Variants in IGF1R observed in about 807,000 individuals in gnomAD.
IGF1R encodes the protein insulin-like growth factor 1 receptor.
Under a neutral mutation model 144.6 loss-of-function variants are expected in IGF1R, and 44 were observed. That is an observed-to-expected ratio of 0.30 (90% CI 0.24 to 0.39). The LOEUF is 0.39. Among genes scored for constraint, IGF1R ranks in the 10% least tolerant of loss-of-function variants. IGF1R has a pLI of 1.00. For missense variants in IGF1R, 1,355 were observed against 1,833.7 expected, an observed-to-expected ratio of 0.74 and a Z score of 4.77; for synonymous variants, 795 against 722.8, an observed-to-expected ratio of 1.10 and a Z score of -1.60.
At chr15:98,768,614 CAAA>C (rs57466735) in intron 2 of IGF1R, among the ~76,000 whole-genome samples, 24 of 116,402 alleles carry the variant, frequency 2.1e-4, no homozygotes, top group Admixed American at 3.5e-4. Context: ...GACTCCATCT[CAAA>C]AAAAAAAAAA....
chr15:98,818,666 G>C (rs1325776680), intron 2 of IGF1R, among the ~76,000 whole-genome samples: 2 of 151,994 alleles, frequency 1.3e-5, no homozygotes, highest in African/African-American at 4.8e-5. Context: ...ATAATTAGTT[G>C]TGGGGGGCTG....
chr15:98,674,258 A>G (rs2052973156), intron 1 of IGF1R, among the ~76,000 whole-genome samples: 1 of 152,164 alleles, frequency 6.6e-6, no homozygotes, highest in African/African-American at 2.4e-5. Flanking sequence ...TTTACATAAG[A>G]TTTTGGAGGA....
intron 18 of IGF1R, 111 bp from the exon 19 acceptor site, chr15:98,942,812 G>A: frequency 7.1e-7 from 1 of 1,414,358 alleles, no homozygotes; most frequent in Non-Finnish European, 1.0e-6. Context: ...AGTGGGACGT[G>A]TCTGTGTCTT....
intron 2 of IGF1R, among the ~76,000 whole-genome samples, chr15:98,744,743 C>T (rs114174065): frequency 1.1e-4 from 17 of 150,426 alleles, no homozygotes; most frequent in African/African-American, 2.5e-4. Flanking sequence ...TTAAACATGA[C>T]GGTAATGCAA....
At chr15:98,718,671 A>G (rs1050358488) in intron 2 of IGF1R, among the ~76,000 whole-genome samples, 1 of 152,216 alleles carries the variant, frequency 6.6e-6, no homozygotes, top group Non-Finnish European at 1.5e-5. Context: ...GATAGATGCA[A>G]AGTGCTTGGA....
intron 5 of IGF1R, among the ~76,000 whole-genome samples, chr15:98,903,511 T>C (rs2014582405): frequency 6.6e-6 from 1 of 152,138 alleles, no homozygotes; most frequent in African/African-American, 2.4e-5. Flanking sequence ...ACACCAACCC[T>C]GTGACCTAGC....
Position 98,961,963 on chromosome 15 carries a change from G to A in IGF1R, c.*4521G>A, listed in dbSNP as rs560705462. ...GGAACTACCAAATGGCGAGATGCTC[G>A]GTGCACATTGGGGTGCTTTGGGATA... is the stretch of plus-strand genomic sequence containing the variant. On this transcript the variant is annotated 3_prime_UTR_variant, in exon 21 of 21. Coordinates refer to ENST00000650285, the MANE Select transcript of IGF1R (RefSeq NM_000875.5). The A allele has an allele frequency of 1.2e-4, 27 of 233,308 alleles. No individual in the cohort carries two copies. The highest frequency in any genetic ancestry group is 9.6e-4 in the East Asian group (16 of 16,596). The allele number at this position is 233,308 out of a possible 1,614,324, so 14.5% of individuals were successfully genotyped here. A position where few individuals can be genotyped will look rare whatever the true frequency, so the allele number is the denominator to read the frequency against.
At chr15:98,870,431 C>T (rs2012724086) in intron 2 of IGF1R, among the ~76,000 whole-genome samples, 1 of 152,150 alleles carries the variant, frequency 6.6e-6, no homozygotes, top group Non-Finnish European at 1.5e-5. Flanking sequence ...ATGATGACAT[C>T]CAGCAGGCAG....
chr15:98,741,639 C>T (rs1347372995), intron 2 of IGF1R, among the ~76,000 whole-genome samples: 1 of 152,176 alleles, frequency 6.6e-6, no homozygotes, highest in African/African-American at 2.4e-5. Flanking sequence ...AGAGCTAGTC[C>T]AGCACTGCTC....
At chr15:98,759,370 T>G (rs941792187) in intron 2 of IGF1R, among the ~76,000 whole-genome samples, 1 of 152,214 alleles carries the variant, frequency 6.6e-6, no homozygotes, top group Non-Finnish European at 1.5e-5. Flanking sequence ...ATAACAGTCC[T>G]GTCTTTGGAA....
intron 7 of IGF1R, among the ~76,000 whole-genome samples, chr15:98,911,775 G>C (rs968505150): frequency 6.6e-6 from 1 of 152,136 alleles, no homozygotes; most frequent in Non-Finnish European, 1.5e-5. Flanking sequence ...GAACGATGAT[G>C]GGGGACTTCA....
rs765151508 is a variant in IGF1R, at chr15:98,935,284, C to G, written c.3187-32C>G. On this transcript the variant is annotated intron_variant, in intron 16 of 20. Transcript: ENST00000650285. The surrounding 1 kb of genome is among the most constrained non-coding windows in gnomAD (Gnocchi z 4.2). Reference sequence around the variant, plus strand: ...AGGCATCAGCAAGGGCCACCTGACCCTCTGAGTCTTTCTCTTTTTGATTCC... The same window carrying G: ...AGGCATCAGCAAGGGCCACCTGACCGTCTGAGTCTTTCTCTTTTTGATTCC... The G allele has an allele frequency of 3.5e-6, 5 of 1,440,128 alleles. No individual in the cohort carries two copies. The South Asian group carries it at 6.1e-5, about 18-fold the overall frequency. The allele number at this position is 1,440,128 out of a possible 1,614,324, so 89.2% of individuals were successfully genotyped here.
At chr15:98,752,694 A>AG (rs2055042537) in intron 2 of IGF1R, among the ~76,000 whole-genome samples, 3 of 151,774 alleles carry the variant, frequency 2.0e-5, no homozygotes, top group African/African-American at 4.8e-5. Flanking sequence ...AAAGAAAAAA[A>AG]AAAAGAAAGT....
intron 20 of IGF1R, among the ~76,000 whole-genome samples, chr15:98,949,853 G>T (rs2016706439): frequency 6.6e-6 from 1 of 152,198 alleles, no homozygotes; most frequent in South Asian, 2.1e-4. Context: ...TTGTGGCTCA[G>T]TGGAGGTCAG....
chr15:98,946,213 G>T (rs950152472), intron 19 of IGF1R, among the ~76,000 whole-genome samples: 3 of 151,012 alleles, frequency 2.0e-5, no homozygotes, highest in African/African-American at 4.9e-5. Context: ...CGGGGCAGGG[G>T]TGGGGGGTTC....
rs981146429 is a variant in IGF1R, at chr15:98,964,358, G to C, written c.*6916G>C. The stretch of plus-strand genomic sequence containing the variant: ...ATTTCAAAATGTTTTTGTATATTCT[G>C]TTGTAAGAATTTATTCCTGTTATTG... On this transcript the variant is annotated 3_prime_UTR_variant, in exon 21 of 21. Coordinates refer to ENST00000650285, the MANE Select transcript of IGF1R (RefSeq NM_000875.5). 8.7e-6 allele frequency: 2 copies of C among 230,558 alleles called. No homozygotes were observed. The highest frequency in any genetic ancestry group is 8.6e-6 in the Non-Finnish European group (1 of 116,432). 14.3% of individuals were successfully genotyped at this position (230,558 alleles called of 1,614,324 possible). A position where few individuals can be genotyped will look rare whatever the true frequency, so the allele number is the denominator to read the frequency against.
In IGF1R at chr15:98,812,107, G is replaced by A. The variant is rs570180232; in HGVS notation, c.641-79218G>A. On this transcript the variant is annotated intron_variant, in intron 2 of 20. Transcript: ENST00000650285. ...GTTTAATAGCCTTCGAAACCACATC[G>A]TTGAGATTTAAAAAGCCCTCCTTGA... Among the ~76,000 whole-genome samples the A allele has an allele frequency of 3.3e-5, 5 of 152,238 alleles. No individual in the cohort carries two copies. The South Asian group carries it at 1.0e-3, about 32-fold the overall frequency.
At chr15:98,788,650 T>G (rs1414802641) in intron 2 of IGF1R, among the ~76,000 whole-genome samples, 1 of 152,224 alleles carries the variant, frequency 6.6e-6, no homozygotes, top group Non-Finnish European at 1.5e-5. Context: ...CAGCCTTGAT[T>G]GGGCTACCCA....
chr15:98,666,852 T>C (rs2052754876), intron 1 of IGF1R, among the ~76,000 whole-genome samples: 1 of 152,106 alleles, frequency 6.6e-6, no homozygotes, highest in Non-Finnish European at 1.5e-5. Context: ...TGTGAATCAG[T>C]GTCAGTGAAC....
Sources: gnomAD v4.1 joint callset for allele counts (sites outside exome capture counted in the v4.1 genomes callset) on GRCh38, gnomAD v4.1.1 for gene constraint, Gnocchi (gnomAD v3.1) non-coding constraint, MANE v1.5 for transcripts, NCBI Gene and HGNC (gene_info 2026-07-23, HGNC 2026-07-21) for gene names.